MAPDA: variants seen among roughly 807,000 people sequenced by gnomAD.
The protein encoded by MAPDA is N6,N6-dimethyl-AMP deaminase.
the MAPDA span, among the ~76,000 whole-genome samples, chr15:43,334,489 G>A: frequency 1.3e-5 from 2 of 150,814 alleles, no homozygotes; most frequent in East Asian, 1.9e-4. Flanking sequence ...TTGGCCAGGT[G>A]TGGTGGCATG....
the MAPDA span, among the ~76,000 whole-genome samples, chr15:43,341,352 A>T: frequency 6.6e-6 from 1 of 152,232 alleles, no homozygotes; most frequent in Non-Finnish European, 1.5e-5. Flanking sequence ...GGCTCTTTCA[A>T]TGGAGTTTTA....
chr15:43,335,854 T>C, the MAPDA span: 16 of 1,590,870 alleles, frequency 1.0e-5, no homozygotes, highest in South Asian at 2.3e-5. Flanking sequence ...GTGGACATAC[T>C]CCTTTTTTTC....
chr15:43,348,912 A>T, the MAPDA span: 1 of 1,613,846 alleles, frequency 6.2e-7, no homozygotes, highest in Non-Finnish European at 8.5e-7. Flanking sequence ...TTTAGATTCC[A>T]AACCAAAAAA....
At chr15:43,335,955 CTT>C in the MAPDA span, 1 of 1,118,400 alleles carries the variant, frequency 8.9e-7, no homozygotes, top group Non-Finnish European at 1.2e-6. Context: ...GAGCATATAT[CTT>C]AACATACAAC....
the MAPDA span, among the ~76,000 whole-genome samples, chr15:43,347,587 G>C: frequency 6.6e-6 from 1 of 152,150 alleles, no homozygotes; most frequent in Non-Finnish European, 1.5e-5. Context: ...ATAATTGCTG[G>C]GAAGTAGTCA....
chr15:43,351,823 A>G, the MAPDA span: 1 of 1,551,648 alleles, frequency 6.4e-7, no homozygotes. Flanking sequence ...ATTTAATTTG[A>G]CCCAGTCTCA....
chr15:43,351,967 T>C, the MAPDA span: 6 of 1,539,696 alleles, frequency 3.9e-6, no homozygotes, highest in Non-Finnish European at 5.3e-6. Flanking sequence ...GTGAACTACT[T>C]CTGAGTATGT....
chr15:43,335,310 G>C, the MAPDA span: 1 of 782,698 alleles, frequency 1.3e-6, no homozygotes, highest in Admixed American at 2.5e-5. Flanking sequence ...CAAGGCGGGT[G>C]GATTCACCTG....
At chr15:43,351,709 C>A in the MAPDA span, 2 of 1,481,268 alleles carry the variant, frequency 1.4e-6, no homozygotes, top group East Asian at 2.5e-5. Context: ...TTTGAAAAAT[C>A]CTTCCTTTTT....
At chr15:43,340,291 T>A in the MAPDA span, 1 of 1,614,122 alleles carries the variant, frequency 6.2e-7, no homozygotes. Context: ...TAAAAGAATT[T>A]GCAGATGACG....
the MAPDA span, among the ~76,000 whole-genome samples, chr15:43,350,081 G>A: frequency 6.6e-6 from 1 of 151,818 alleles, no homozygotes; most frequent in Non-Finnish European, 1.5e-5. Context: ...CTTTTTTTTG[G>A]GGGGCGGGGG....
the MAPDA span, chr15:43,352,536 CA>C: frequency 6.6e-6 from 1 of 151,934 alleles, no homozygotes; most frequent in Non-Finnish European, 1.5e-5. Context: ...TCTACAAAAA[CA>C]AAAAAACAAA....
the MAPDA span, among the ~76,000 whole-genome samples, chr15:43,331,495 A>G: frequency 1.8e-4 from 28 of 152,212 alleles, 1 homozygote; most frequent in African/African-American, 6.8e-4. Flanking sequence ...AAATCAGATA[A>G]CTTTATGGTT....
chr15:43,346,069 C>T, the MAPDA span: 1 of 1,536,076 alleles, frequency 6.5e-7, no homozygotes, highest in Admixed American at 1.7e-5. Flanking sequence ...ATTGCATTCT[C>T]CAGAGTGTCC....
the MAPDA span, chr15:43,346,963 C>T: frequency 7.2e-7 from 1 of 1,389,566 alleles, no homozygotes; most frequent in Non-Finnish European, 1.0e-6. Context: ...GTACTCAGTT[C>T]CTCAGTTTTC....
At chr15:43,343,041 C>A in the MAPDA span, 1 of 1,589,124 alleles carries the variant, frequency 6.3e-7, no homozygotes, top group Non-Finnish European at 8.5e-7. Context: ...AGGTATAAAA[C>A]AGTCCAAACA....
the MAPDA span, among the ~76,000 whole-genome samples, chr15:43,341,776 A>G: frequency 6.6e-6 from 1 of 152,212 alleles, no homozygotes; most frequent in Admixed American, 6.5e-5. Flanking sequence ...AATAATACAT[A>G]AAAATAAATG....
the MAPDA span, chr15:43,340,219 C>T: frequency 6.4e-7 from 1 of 1,553,338 alleles, no homozygotes; most frequent in Non-Finnish European, 8.8e-7. Flanking sequence ...CATTGGGACC[C>T]TTACCCAAAC....
the MAPDA span, chr15:43,334,892 A>G: frequency 2.2e-6 from 1 of 456,042 alleles, no homozygotes; most frequent in Non-Finnish European, 3.8e-6. Context: ...AAAATTAACA[A>G]AATCCTGTTT....
Sources: gnomAD v4.1 joint callset for allele counts (sites outside exome capture counted in the v4.1 genomes callset) on GRCh38, gnomAD v4.1.1 for gene constraint, MANE v1.5 for transcripts, NCBI Gene and HGNC (gene_info 2026-07-23, HGNC 2026-07-21) for gene names.